Variants in SLX4IP observed in about 807,000 individuals in gnomAD.
The protein encoded by SLX4IP is SLX4 interacting protein.
Under a neutral mutation model 32.9 loss-of-function variants are expected in SLX4IP, and 34 were observed. The ratio of observed to expected loss-of-function variants is 1.03; its 90% CI spans 0.79 to 1.38. The LOEUF is 1.38. Ranked by LOEUF, SLX4IP falls within the 40% of genes most tolerant of loss-of-function variation. SLX4IP has a pLI of 0.00. For synonymous variants in SLX4IP, 172 were observed against 171.7 expected, an observed-to-expected ratio of 1.00 and a Z score of -0.01; for missense variants, 444 against 479.0, an observed-to-expected ratio of 0.93 and a Z score of 0.68.
At chr20:10,560,919 G>A in intron 4 of SLX4IP, 99 bp downstream of exon 4, 1 of 1,175,290 alleles carries the variant, frequency 8.5e-7, no homozygotes, top group Non-Finnish European at 1.1e-6. Flanking sequence ...TGTTAGTATA[G>A]TGATACATTT....
At chr20:10,557,605 A>T (rs2122498247) in intron 3 of SLX4IP, among the ~76,000 whole-genome samples, 1 of 152,300 alleles carries the variant, frequency 6.6e-6, no homozygotes, top group Non-Finnish European at 1.5e-5. Context: ...AGGGGACCTC[A>T]CCCCAAAATC....
chr20:10,574,004 C>T (rs1040344105), intron 4 of SLX4IP, among the ~76,000 whole-genome samples: 1 of 152,182 alleles, frequency 6.6e-6, no homozygotes, highest in Non-Finnish European at 1.5e-5. Context: ...AAGTTTTATA[C>T]TTTTTACCAA....
chr20:10,598,478 G>T (rs914539315), intron 4 of SLX4IP, among the ~76,000 whole-genome samples, 197 bp from the exon 5 acceptor site: 2 of 152,146 alleles, frequency 1.3e-5, no homozygotes, highest in African/African-American at 4.8e-5. Flanking sequence ...TGGCCAGGCT[G>T]GTCTCGAACT....
intron 4 of SLX4IP, among the ~76,000 whole-genome samples, chr20:10,564,039 G>A (rs371931205): frequency 2.6e-5 from 4 of 152,126 alleles, no homozygotes; most frequent in Admixed American, 6.5e-5. Context: ...GACCCAGCTC[G>A]ACCACAGGAT....
intron 2 of SLX4IP, among the ~76,000 whole-genome samples, chr20:10,458,706 G>T (rs2065309597): frequency 6.6e-6 from 1 of 152,094 alleles, no homozygotes; most frequent in South Asian, 2.1e-4. Flanking sequence ...TCCTTTTTAT[G>T]GCTGCTTAGT....
chr20:10,452,391 C>T (rs535575791), intron 1 of SLX4IP, among the ~76,000 whole-genome samples: 12 of 152,124 alleles, frequency 7.9e-5, no homozygotes, highest in Admixed American at 2.0e-4. Flanking sequence ...ATAGGCTGGG[C>T]GCAGTGGCTC....
At chr20:10,560,895 G>A (rs1248827733) in intron 4 of SLX4IP, 75 bp downstream of exon 4, 1 of 1,339,910 alleles carries the variant, frequency 7.5e-7, no homozygotes, top group African/African-American at 1.5e-5. Flanking sequence ...AATTATGTTT[G>A]ACTCTGACTG....
At chr20:10,454,803 A>C (rs975932926) in intron 1 of SLX4IP, among the ~76,000 whole-genome samples, 1 of 152,154 alleles carries the variant, frequency 6.6e-6, no homozygotes, top group Non-Finnish European at 1.5e-5. Context: ...GCAACTCTTT[A>C]AATTTTGAAA....
chr20:10,471,909 C>A (rs2065427876), intron 2 of SLX4IP, among the ~76,000 whole-genome samples: 1 of 152,172 alleles, frequency 6.6e-6, no homozygotes, highest in Admixed American at 6.5e-5. Context: ...AGCTCCCTTA[C>A]AACATGGCAT....
chr20:10,550,801 T>C (rs2066210861), intron 2 of SLX4IP, among the ~76,000 whole-genome samples: 1 of 152,198 alleles, frequency 6.6e-6, no homozygotes, highest in Non-Finnish European at 1.5e-5. Flanking sequence ...TGCACTCCTT[T>C]CCCTGTTCCT....
At chr20:10,586,757 T>C (rs1002845787) in intron 4 of SLX4IP, among the ~76,000 whole-genome samples, 2 of 152,042 alleles carry the variant, frequency 1.3e-5, no homozygotes, top group African/African-American at 2.4e-5. Flanking sequence ...GAAATTAAAA[T>C]AAAAGACTAT....
At chr20:10,501,555 C>T (rs907223776) in intron 2 of SLX4IP, among the ~76,000 whole-genome samples, 8 of 152,250 alleles carry the variant, frequency 5.3e-5, no homozygotes, top group African/African-American at 7.2e-5. Context: ...ATGATAAATA[C>T]TTCTGCCTCC....
intron 4 of SLX4IP, among the ~76,000 whole-genome samples, chr20:10,565,338 G>A (rs557929236): frequency 1.3e-5 from 2 of 152,276 alleles, no homozygotes; most frequent in East Asian, 1.9e-4. Flanking sequence ...ATCTCGGGGA[G>A]TGCTGGAGAG....
At chr20:10,465,185 A>G (rs2065370102) in intron 2 of SLX4IP, among the ~76,000 whole-genome samples, 1 of 152,194 alleles carries the variant, frequency 6.6e-6, no homozygotes, top group African/African-American at 2.4e-5. Context: ...CTTCATAGCA[A>G]TCTTAAACCC....
chr20:10,553,331 G>A (rs2066236491), intron 2 of SLX4IP, among the ~76,000 whole-genome samples: 1 of 152,052 alleles, frequency 6.6e-6, no homozygotes, highest in Admixed American at 6.5e-5. Flanking sequence ...TAATAAACAA[G>A]GACATACATT....
At chr20:10,487,208 A>G (rs2065582064) in intron 2 of SLX4IP, among the ~76,000 whole-genome samples, 1 of 152,200 alleles carries the variant, frequency 6.6e-6, no homozygotes, top group Non-Finnish European at 1.5e-5. Flanking sequence ...TCACTTTTGG[A>G]ACTGTGATAC....
intron 6 of SLX4IP, among the ~76,000 whole-genome samples, chr20:10,612,000 C>T (rs1851627387): frequency 6.6e-6 from 1 of 152,166 alleles, no homozygotes; most frequent in Non-Finnish European, 1.5e-5. Flanking sequence ...TGACTACATG[C>T]ACGGCCTCAG....
At chr20:10,508,204 G>A (rs1979681) in intron 2 of SLX4IP, among the ~76,000 whole-genome samples, 17,137 of 152,214 alleles carry the variant, frequency 0.11, 1,300 homozygotes, top group Non-Finnish European at 0.17. Context: ...TGTGCCCACA[G>A]CCCTGCCCTT....
chr20:10,512,220 G>T (rs949670219), intron 2 of SLX4IP, among the ~76,000 whole-genome samples: 1 of 152,204 alleles, frequency 6.6e-6, no homozygotes, highest in Non-Finnish European at 1.5e-5. Context: ...ACAGGCAACA[G>T]CTGGGTTTTG....
Sources: gnomAD v4.1 joint callset for allele counts (sites outside exome capture counted in the v4.1 genomes callset) on GRCh38, gnomAD v4.1.1 for gene constraint, MANE v1.5 for transcripts, NCBI Gene and HGNC (gene_info 2026-07-23, HGNC 2026-07-21) for gene names.